The following SMOC1 variants were observed in gnomAD, a reference collection of about 807,000 sequenced individuals.
SMOC1 encodes SPARC related modular calcium binding 1, also known as SPARC-related modular calcium-binding protein 1.
Under a neutral mutation model 56.3 loss-of-function variants are expected in SMOC1, and 22 were observed. The ratio of observed to expected loss-of-function variants is 0.39; its 90% CI spans 0.28 to 0.56. The LOEUF (loss-of-function observed/expected upper bound fraction) is 0.56. Among genes scored for constraint, SMOC1 ranks in the 20% least tolerant of loss-of-function variants. The probability of loss-of-function intolerance (pLI) is 0.61; values close to 1 mark genes in which losing one functional copy is unlikely to be tolerated. For missense variants in SMOC1, 509 were observed against 565.4 expected, an observed-to-expected ratio of 0.90 and a Z score of 1.01; for synonymous variants, 193 against 215.0, an observed-to-expected ratio of 0.90 and a Z score of 0.89.
At chr14:69,995,746 G>T (rs1335156835) in intron 7 of SMOC1, among the ~76,000 whole-genome samples, 1 of 152,142 alleles carries the variant, frequency 6.6e-6, no homozygotes, top group African/African-American at 2.4e-5. Flanking sequence ...CTGATAAATT[G>T]TAAGTACATA....
chr14:69,921,100 C>T (rs763800721), intron 1 of SMOC1, among the ~76,000 whole-genome samples: 7 of 152,280 alleles, frequency 4.6e-5, no homozygotes, highest in Non-Finnish European at 5.9e-5. Flanking sequence ...ACCTGGGCCG[C>T]GAACCTTCTC....
At chr14:69,892,283 G>A (rs181085867) in intron 1 of SMOC1, among the ~76,000 whole-genome samples, 108 of 152,304 alleles carry the variant, frequency 7.1e-4, no homozygotes, top group African/African-American at 2.2e-3. Context: ...TTTGCTGTAA[G>A]TTTCTCTAGT....
chr14:69,954,634 A>G (rs972847741), intron 3 of SMOC1, among the ~76,000 whole-genome samples: 1 of 152,198 alleles, frequency 6.6e-6, no homozygotes, highest in Admixed American at 6.5e-5. Context: ...AGCTGAGTGA[A>G]GGTGCTGTCC....
chr14:70,024,519 G>A (rs1277210714), intron 11 of SMOC1, among the ~76,000 whole-genome samples: 1 of 152,158 alleles, frequency 6.6e-6, no homozygotes, highest in Non-Finnish European at 1.5e-5. Context: ...GTCTCTTGCA[G>A]ATAAATTTGC....
chr14:69,889,945 T>A (rs1022079249), intron 1 of SMOC1, among the ~76,000 whole-genome samples: 1 of 152,232 alleles, frequency 6.6e-6, no homozygotes, highest in African/African-American at 2.4e-5. Context: ...GTGATTACAC[T>A]GGGCCCACCC....
At chr14:70,024,551 A>G (rs1288754005) in intron 11 of SMOC1, among the ~76,000 whole-genome samples, 5 of 152,132 alleles carry the variant, frequency 3.3e-5, no homozygotes, top group African/African-American at 1.2e-4. Flanking sequence ...CTAACCCATT[A>G]CTGGAAACAT....
chr14:69,973,888 C>T (rs923379165), intron 3 of SMOC1, among the ~76,000 whole-genome samples: 4 of 152,210 alleles, frequency 2.6e-5, no homozygotes, highest in African/African-American at 9.6e-5. Context: ...AATTTGTGTG[C>T]TATTACTGTC....
At chr14:69,885,065 G>A (rs1253543224) in intron 1 of SMOC1, among the ~76,000 whole-genome samples, 6 of 152,196 alleles carry the variant, frequency 3.9e-5, no homozygotes, top group Admixed American at 1.3e-4. Flanking sequence ...ATTCATGAAC[G>A]TGACATCTCT....
Position 69,921,623 on chromosome 14 carries a change from T to C in SMOC1, c.100-30515T>C, listed in dbSNP as rs200506679. The stretch of plus-strand genomic sequence containing the variant: ...GCCTGGTCTGTGTGGGGTTTTGTAT[T>C]CTGGGGAGGGTGAGGGCTGACATAA... On this transcript the variant is annotated intron_variant, in intron 1 of 11. Coordinates refer to ENST00000361956, the MANE Select transcript of SMOC1 (RefSeq NM_001034852.3). Among the ~76,000 whole-genome samples the C allele has an allele frequency of 2.0e-5, 3 of 152,184 alleles. No individual in the cohort carries two copies. The East Asian group carries it at 5.8e-4, about 29-fold the overall frequency.
intron 1 of SMOC1, among the ~76,000 whole-genome samples, chr14:69,908,436 C>A (rs1884468547): frequency 6.6e-6 from 1 of 152,040 alleles, no homozygotes; most frequent in Non-Finnish European, 1.5e-5. Context: ...CTGTGGGTGG[C>A]CCTTTCCTGA....
chr14:69,932,865 T>C (rs1191729495), intron 1 of SMOC1, among the ~76,000 whole-genome samples: 1 of 152,130 alleles, frequency 6.6e-6, no homozygotes, highest in African/African-American at 2.4e-5. Context: ...TTCTGTCACC[T>C]TCTGTAAGCC....
intron 1 of SMOC1, among the ~76,000 whole-genome samples, chr14:69,933,748 C>T (rs1160276391): frequency 1.3e-5 from 2 of 152,126 alleles, no homozygotes; most frequent in Non-Finnish European, 2.9e-5. Flanking sequence ...GAACTCCTGA[C>T]CTCAAGTGAT....
At chr14:69,945,634 A>G (rs1882751619) in intron 1 of SMOC1, among the ~76,000 whole-genome samples, 1 of 152,220 alleles carries the variant, frequency 6.6e-6, no homozygotes, top group African/African-American at 2.4e-5. Flanking sequence ...TGAAGCTGCT[A>G]AGTTTAGGGG....
intron 3 of SMOC1, among the ~76,000 whole-genome samples, chr14:69,970,407 G>C (rs185902715): frequency 6.6e-6 from 1 of 152,130 alleles, no homozygotes; most frequent in Non-Finnish European, 1.5e-5. Context: ...GACCTCTAAG[G>C]CTTTTTCCAG....
intron 7 of SMOC1, among the ~76,000 whole-genome samples, chr14:70,002,364 C>A (rs1381691253): frequency 6.6e-6 from 1 of 152,198 alleles, no homozygotes; most frequent in Non-Finnish European, 1.5e-5. Flanking sequence ...TCTCCCCATA[C>A]CCTCCCTCTA....
rs1114167455 is a variant in SMOC1 at position 69,953,521 on chromosome 14, T to C, written c.367T>C (p.Ser123Pro). ...TGTCCCAGAGTGTGGCGAGGATGGC[T>C]CCTTTACCCAGGTGAGGCCTCGGAC... ...VFVPECGEDG[S>P]FTQVQCHTYT... is the part of the protein sequence containing the mutation. Residue 123 changes from serine (S) to proline (P), a missense_variant, in exon 3 of 12, where the codon TCC (serine) becomes CCC (proline). This residue lies in a region of SMOC1 where 315 missense variants were observed against 333.1 expected (regional missense o/e 0.95). Coordinates refer to ENST00000361956, the MANE Select transcript of SMOC1 (RefSeq NM_001034852.3). 6.2e-7 allele frequency: 1 copy of C among 1,614,054 alleles called. No homozygotes were observed. The highest frequency in any genetic ancestry group is 8.5e-7 in the Non-Finnish European group (1 of 1,179,896).
At chr14:69,981,734 G>A (rs1041421223) in intron 5 of SMOC1, among the ~76,000 whole-genome samples, 4 of 152,214 alleles carry the variant, frequency 2.6e-5, no homozygotes, top group African/African-American at 9.6e-5. Context: ...AAGTAGATTG[G>A]AAGCAGAATG....
chr14:70,009,137 G>T (rs1167340387), intron 7 of SMOC1, among the ~76,000 whole-genome samples: 1 of 151,880 alleles, frequency 6.6e-6, no homozygotes, highest in Non-Finnish European at 1.5e-5. Context: ...GAAAACAGTA[G>T]TTTTTTTTCA....
chr14:69,896,744 G>A (rs1430706064), intron 1 of SMOC1, among the ~76,000 whole-genome samples: 1 of 152,176 alleles, frequency 6.6e-6, no homozygotes, highest in African/African-American at 2.4e-5. Flanking sequence ...GTCAGTGGAG[G>A]GAGGATGTTC....
Sources: gnomAD v4.1 joint callset for allele counts (sites outside exome capture counted in the v4.1 genomes callset) on GRCh38, gnomAD v4.1.1 for gene constraint, gnomAD v4.1.1 regional missense constraint, MANE v1.5 for transcripts, NCBI Gene and HGNC (gene_info 2026-07-23, HGNC 2026-07-21) for gene names.